The following WWP2 variants were observed in gnomAD, a reference collection of about 807,000 sequenced individuals.
The protein encoded by WWP2 is WW domain containing E3 ubiquitin protein ligase 2, also known as NEDD4-like E3 ubiquitin-protein ligase WWP2.
In WWP2, 57 loss-of-function variants were observed where a neutral mutation model predicts 121.0. The ratio of observed to expected loss-of-function variants is 0.47; its 90% CI spans 0.38 to 0.59. The LOEUF (loss-of-function observed/expected upper bound fraction) is 0.59. Ranked by LOEUF, WWP2 falls within the 20% of genes least tolerant of loss-of-function variation. WWP2 has a pLI of 0.00. For synonymous variants in WWP2, 449 were observed against 441.3 expected (o/e 1.02, Z -0.22); for missense variants, 962 against 1,158.9 (o/e 0.83, Z 2.47).
rs150363676 is a variant in WWP2, at chr16:69,842,091, C to T, written c.546C>T (p.Pro182=). ...CTCCAGAGAACCGGCACCAGCCCCC[C>T]AGCACAAACTGCTTTGGTGGAAGAT... ...AVAPENRHQP[P]STNCFGGRSR... Residue 182 remains proline, a synonymous_variant, in exon 6 of 24, where the codon CCC becomes CCT. Transcript: ENST00000359154. 34 of 1,613,328 alleles carry T rather than the reference C, an allele frequency of 2.1e-5. No homozygotes were observed. The African/African-American group carries it at 4.0e-4, about 19-fold the overall frequency.
intron 7 of WWP2, among the ~76,000 whole-genome samples, chr16:69,882,660 G>A (rs1041941533): frequency 2.6e-5 from 4 of 152,168 alleles, no homozygotes; most frequent in Non-Finnish European, 4.4e-5. Context: ...TCGGGAGGGC[G>A]TCCAGGGAAG....
chr16:69,862,284 G>A (rs1313999356), intron 6 of WWP2, among the ~76,000 whole-genome samples: 2 of 152,082 alleles, frequency 1.3e-5, no homozygotes, highest in African/African-American at 2.4e-5. Context: ...AGACAGGTCT[G>A]GAAGTCCCGA....
intron 6 of WWP2, among the ~76,000 whole-genome samples, chr16:69,860,599 C>T (rs987442830): frequency 3.3e-5 from 5 of 152,130 alleles, no homozygotes; most frequent in Admixed American, 3.3e-4. Flanking sequence ...GTCTGACTCT[C>T]CCTTGGTAGG....
intron 4 of WWP2, among the ~76,000 whole-genome samples, chr16:69,834,728 A>T (rs1230033416): frequency 6.6e-6 from 1 of 151,606 alleles, no homozygotes; most frequent in Non-Finnish European, 1.5e-5. Flanking sequence ...GGGTTTCACC[A>T]TGTTGGCCAG....
chr16:69,789,606 C>T (rs2055866455), intron 2 of WWP2, among the ~76,000 whole-genome samples: 1 of 152,192 alleles, frequency 6.6e-6, no homozygotes, highest in Non-Finnish European at 1.5e-5. Flanking sequence ...TTGTGTGTCT[C>T]TTCCAAGATA....
chr16:69,762,450 G>A (rs1354803063), intron 1 of WWP2, 59 bp downstream of exon 1: 1 of 147,254 alleles, frequency 6.8e-6, no homozygotes, highest in East Asian at 2.0e-4. Flanking sequence ...GGCGGGCCGG[G>A]GGCGGCGGGC....
At chr16:69,810,253 C>T (rs2056363284) in intron 4 of WWP2, among the ~76,000 whole-genome samples, 2 of 152,170 alleles carry the variant, frequency 1.3e-5, no homozygotes, top group Non-Finnish European at 2.9e-5. Flanking sequence ...GTTTCACTCA[C>T]GTCCCGCAGT....
chr16:69,925,230 T>C lies in WWP2; in HGVS notation c.1180-200T>C. On this transcript the variant is annotated intron_variant, in intron 10 of 23. Coordinates refer to ENST00000359154, the MANE Select transcript of WWP2 (RefSeq NM_001270454.2). This position sits in a 1 kb window ranked among gnomAD's most constrained non-coding sequence, Gnocchi z 4.0. ...GGGCCCTCCGTGCGCAGGGTTCTTT[T>C]TTGGTTTTTCTGTAAAAATCAAAAC... 1 of 1,439,762 alleles carries C rather than the reference T, an allele frequency of 6.9e-7. No homozygotes were observed. 89.2% of individuals were successfully genotyped at this position (1,439,762 alleles called of 1,614,324 possible).
At chr16:69,917,500 A>G (rs766708103) in intron 9 of WWP2, 4 of 504,556 alleles carry the variant, frequency 7.9e-6, no homozygotes, top group Non-Finnish European at 1.0e-5. Context: ...CCAGAACCAC[A>G]TGGATCCCCA....
At chr16:69,869,759 G>A (rs1455816444) in intron 6 of WWP2, among the ~76,000 whole-genome samples, 1 of 152,122 alleles carries the variant, frequency 6.6e-6, no homozygotes, top group African/African-American at 2.4e-5. Flanking sequence ...AGATAATGAC[G>A]GTTAAGATTT....
intron 8 of WWP2, among the ~76,000 whole-genome samples, chr16:69,906,213 C>T (rs866724201): frequency 4.6e-5 from 7 of 152,092 alleles, no homozygotes; most frequent in Non-Finnish European, 1.0e-4. Context: ...GCTGGGACTA[C>T]AGGTGCCTGC....
chr16:69,884,404 G>A (rs561321191), intron 7 of WWP2, among the ~76,000 whole-genome samples: 2 of 152,204 alleles, frequency 1.3e-5, no homozygotes, highest in East Asian at 1.9e-4. Context: ...TGGGAGGATC[G>A]CTTGAGCTCA....
chr16:69,940,855 ATG>A lies in WWP2; in HGVS notation c.*916_*917del, dbSNP rs1161364301. ...GGACCTCGTCCCCAAGCCTGGCAGAATGAGAGGGGTTGAGGTCCCGAGCGCCA... is the reference window on the plus strand; with the variant it reads ...GGACCTCGTCCCCAAGCCTGGCAGAAAGAGGGGTTGAGGTCCCGAGCGCCA... On this transcript the variant is annotated 3_prime_UTR_variant, in exon 24 of 24. Transcript: ENST00000359154. 1 of 153,628 alleles carries A rather than the reference ATG, an allele frequency of 6.5e-6. No homozygotes were observed. The highest frequency in any genetic ancestry group is 1.5e-5 in the Non-Finnish European group (1 of 68,046). The allele number at this position is 153,628 out of a possible 1,614,324, so 9.5% of individuals were successfully genotyped here. A position where few individuals can be genotyped will look rare whatever the true frequency, so the allele number is the denominator to read the frequency against.
intron 4 of WWP2, among the ~76,000 whole-genome samples, chr16:69,815,656 G>T (rs1367929283): frequency 2.6e-5 from 4 of 151,622 alleles, no homozygotes; most frequent in Admixed American, 2.6e-4. Flanking sequence ...GTGTGGTGGC[G>T]GGTCCCTGTA....
intron 9 of WWP2, 116 bp downstream of exon 9, chr16:69,908,966 G>A (rs567980667): frequency 3.9e-5 from 60 of 1,520,752 alleles, no homozygotes; most frequent in African/African-American, 1.5e-4. Flanking sequence ...CGTTTATTCC[G>A]GGTCACTTGA....
At chr16:69,872,221 CTTTT>C (rs542156678) in intron 7 of WWP2, among the ~76,000 whole-genome samples, 1 of 146,448 alleles carries the variant, frequency 6.8e-6, no homozygotes. Flanking sequence ...AAAGAAATGT[CTTTT>C]TTTTTTTTTG....
intron 7 of WWP2, among the ~76,000 whole-genome samples, chr16:69,886,371 T>C (rs1044336818): frequency 1.3e-5 from 2 of 151,948 alleles, no homozygotes; most frequent in Admixed American, 6.6e-5. Flanking sequence ...TATCTAGGTA[T>C]CCGGCCTAGA....
At chr16:69,933,871 C>T (rs2058756446) in intron 16 of WWP2, 99 bp from the exon 17 acceptor site, 1 of 1,402,580 alleles carries the variant, frequency 7.1e-7, no homozygotes, top group Non-Finnish European at 9.8e-7. Flanking sequence ...CACGTGTCCC[C>T]ATACTAACCT....
At chr16:69,814,427 A>G (rs1047853229) in intron 4 of WWP2, among the ~76,000 whole-genome samples, 1 of 138,242 alleles carries the variant, frequency 7.2e-6, no homozygotes, top group African/African-American at 2.7e-5. Flanking sequence ...CACTCTCATG[A>G]GAACCCTGGC....
Sources: gnomAD v4.1 joint callset for allele counts (sites outside exome capture counted in the v4.1 genomes callset) on GRCh38, gnomAD v4.1.1 for gene constraint, Gnocchi (gnomAD v3.1) non-coding constraint, MANE v1.5 for transcripts, NCBI Gene and HGNC (gene_info 2026-07-23, HGNC 2026-07-21) for gene names.